Variants in TTN observed in about 807,000 individuals in gnomAD.
TTN encodes the protein connectin.
TTN carries 1,525 observed loss-of-function variants against 3,223.0 expected under a neutral mutation model. That is an observed-to-expected ratio of 0.47 (90% CI 0.45 to 0.49). The LOEUF is 0.49. TTN is among the 20% of genes least tolerant of loss of function. TTN has a pLI of 0.00. For synonymous variants in TTN, 14,094 were observed against 15,161.0 expected (o/e 0.93, Z 5.17); for missense variants, 40,786 against 43,424.0 (o/e 0.94, Z 5.40).
intron 9 of TTN, among the ~76,000 whole-genome samples, chr2:178,793,194 G>A (rs959015738): frequency 3.9e-5 from 6 of 152,146 alleles, no homozygotes; most frequent in African/African-American, 1.4e-4. Context: ...TGTTCACAGA[G>A]TTCTTTTTCA....
intron 223 of TTN, 32 bp from the exon 224 acceptor site, chr2:178,637,451 A>G (rs1328473305): frequency 7.3e-7 from 1 of 1,377,092 alleles, no homozygotes; most frequent in Non-Finnish European, 9.6e-7. Flanking sequence ...GCATTTAAAC[A>G]CTTTTCGGAC....
At position 178,714,128 on chromosome 2, in the gene TTN, C is replaced by T; in HGVS notation, c.26530G>A (p.Gly8844Arg). 6.2e-7 allele frequency: 1 copy of T among 1,613,620 alleles called. No individual in the cohort carries two copies. The highest frequency in any genetic ancestry group is 1.3e-5 in the African/African-American group (1 of 75,004). ...EKPESIKVTT[G>R]DTCTLECTVA... ...GTACACTCCAAGGTACAGGTGTCTC[C>T]CGTGGTAACTTTTATGGATTCTGGC... is the stretch of plus-strand genomic sequence containing the variant. The change falls in exon 92 of 363, where the codon GGA becomes AGA. Residue 8844 changes from glycine to arginine, a missense_variant. Physicochemically the swap from Gly to Arg is moderately radical, Grantham distance 125 (BLOSUM62 -2). Coordinates refer to ENST00000589042, the MANE Select transcript of TTN (RefSeq NM_001267550.2).
In TTN at chr2:178,752,586, C is replaced by T. The variant is rs190254672; in HGVS notation, c.11311+538G>A. Reference sequence around the variant, plus strand: ...GCAAAGAAAAGCAGGCAATAAGGATCACATAAGGCAGCTATCTGCAAGCCA... The same window carrying T: ...GCAAAGAAAAGCAGGCAATAAGGATTACATAAGGCAGCTATCTGCAAGCCA... On this transcript the variant is annotated intron_variant, in intron 47 of 362. Coordinates refer to ENST00000589042, the MANE Select transcript of TTN (RefSeq NM_001267550.2). Among the ~76,000 whole-genome samples, 130 of 152,128 alleles carry T rather than the reference C, an allele frequency of 8.5e-4. 1 individual carries two copies. Among genetic ancestry groups the T allele is most frequent in the African/African-American group, 3.0e-3 (124 of 41,540 alleles).
chr2:178,591,936 G>A, intron 302 of TTN, 42 bp downstream of exon 302: 3 of 1,606,870 alleles, frequency 1.9e-6, no homozygotes, highest in East Asian at 2.2e-5. Context: ...TATTCTTAAA[G>A]ACAGTCAAAC....
Position 178,723,448 on chromosome 2 carries a change from C to T in TTN, c.21652G>A (p.Ala7218Thr), listed in dbSNP as rs1286778967. The change falls in exon 74 of 363, where the codon GCA (alanine) becomes ACA (threonine). Residue 7218 changes from alanine (A) to threonine (T), a missense_variant. Coordinates refer to ENST00000589042, the MANE Select transcript of TTN (RefSeq NM_001267550.2). ...ACAAAGAGACGGGTAGTGCAAGATG[C>T]TTGGCCAGCGTTGTTAGAAACCACA... is the stretch of plus-strand genomic sequence containing the variant. ...TCVVSNNAGQ[A>T]SCTTRLFVKE... 3 of 1,613,062 alleles carry T rather than the reference C, an allele frequency of 1.9e-6. No individual in the cohort carries two copies. The highest frequency in any genetic ancestry group is 2.5e-6 in the Non-Finnish European group (3 of 1,179,450).
Position 178,602,341 on chromosome 2 carries a change from T to C in TTN, c.55061A>G (p.Glu18354Gly). Residue 18354 changes from glutamate (E) to glycine (G), a missense_variant, in exon 283 of 363, where the codon GAA becomes GGA. Coordinates refer to ENST00000589042, the MANE Select transcript of TTN (RefSeq NM_001267550.2). ...KYRFRVKAVN[E>G]AGESEPSDTT... is the part of the protein sequence containing the mutation. ...ATCACTTGGTTCAGATTCACCAGCTTCATTGACAGCTTTCACTCTGAATCT... is the reference window on the plus strand; with the variant it reads ...ATCACTTGGTTCAGATTCACCAGCTCCATTGACAGCTTTCACTCTGAATCT... 6.2e-7 allele frequency: 1 copy of C among 1,612,932 alleles called. No individual in the cohort carries two copies. Among genetic ancestry groups the C allele is most frequent in the African/African-American group, 1.3e-5 (1 of 74,972 alleles).
Position 178,709,764 on chromosome 2 carries a change from C to A in TTN, c.28555G>T (p.Gly9519Cys). 1 of 1,613,802 alleles carries A rather than the reference C, an allele frequency of 6.2e-7. No homozygotes were observed. The highest frequency in any genetic ancestry group is 8.5e-7 in the Non-Finnish European group (1 of 1,179,808). Residue 9519 changes from glycine (G) to cysteine (C), a missense_variant, in exon 99 of 363, where the codon GGT (glycine) becomes TGT (cysteine). Physicochemically the swap from Gly to Cys is radical, Grantham distance 159 (BLOSUM62 -3). Transcript: ENST00000589042. ...CAGGCAACAGTTATAGGTTGGGAAC[C>A]AGCCACACGTCCCTCAAGTTTGAAA... The part of the protein sequence containing the change: ...NSFKLEGRVA[G>C]SQPITVAWYK...
At position 178,650,831 on chromosome 2, in the gene TTN, G is replaced by C. The variant is rs1164972392; in HGVS notation, c.39629C>G (p.Pro13210Arg). ...CAAGACAGGTTTCTTTGGCACTTCT[G>C]GCACTTTAAAGATATTAATTCATTT... The part of the protein sequence containing the change: ...KKPEVPPAKV[P>R]EVPKKPVLEE... Residue 13210 changes from proline to arginine, a missense_variant, in exon 209 of 363, where the codon CCA becomes CGA. By Grantham distance (103) the Pro-to-Arg change is moderately radical. Coordinates refer to ENST00000589042, the MANE Select transcript of TTN (RefSeq NM_001267550.2). The C allele has an allele frequency of 1.9e-6, 3 of 1,602,544 alleles. No homozygotes were observed. The African/African-American group carries it at 4.0e-5, about 21-fold the overall frequency.
At chr2:178,716,133 T>C (rs1415591509) in intron 88 of TTN, among the ~76,000 whole-genome samples, 1 of 152,172 alleles carries the variant, frequency 6.6e-6, no homozygotes, top group East Asian at 1.9e-4. Context: ...GAGAATTTGA[T>C]TACTGTCTTG....
At position 178,729,403 on chromosome 2, in the gene TTN, C is replaced by T. The variant is rs1239509702; in HGVS notation, c.18753G>A (p.Val6251=). ...SSKKYTLTDR[V]SVFNLHITKC... ...TGGTTATATGGAGGTTAAACACAGA[C>T]ACTCTGTCGGTCAATGTGTATTTTT... is the stretch of plus-strand genomic sequence containing the variant. The change falls in exon 64 of 363, where the codon GTG becomes GTA. Residue 6251 remains valine (V), a synonymous_variant. Coordinates refer to ENST00000589042, the MANE Select transcript of TTN (RefSeq NM_001267550.2). 1.2e-6 allele frequency: 2 copies of T among 1,613,532 alleles called. No individual in the cohort carries two copies. Among genetic ancestry groups the T allele is most frequent in the Non-Finnish European group, 1.7e-6 (2 of 1,179,688 alleles).
In TTN at chr2:178,593,337, C is replaced by G; in HGVS notation, c.58871G>C (p.Arg19624Pro). The G allele has an allele frequency of 6.2e-7, 1 of 1,613,292 alleles. No homozygotes were observed. The change falls in exon 299 of 363, where the codon CGA becomes CCA. Residue 19624 changes from arginine to proline, a missense_variant. By Grantham distance (103) the Arg-to-Pro change is moderately radical (BLOSUM62 -2). Transcript: ENST00000589042. Reference protein sequence around the residue: ...ILEKRETMSKRWARVTKDPIH... With the variant: ...ILEKRETMSKPWARVTKDPIH... ...AGGATCTTTGGTAACTCTAGCCCAT[C>G]GTTTAGACATAGTTTCTCTCTTTTC...
intron 47 of TTN, chr2:178,746,475 C>T: frequency 6.2e-7 from 1 of 1,612,610 alleles, no homozygotes; most frequent in Non-Finnish European, 8.5e-7. Flanking sequence ...AGGACAATTT[C>T]TTGAGGAGAA....
chr2:178,714,386 A>T lies in TTN; in HGVS notation c.26388T>A (p.Phe8796Leu), dbSNP rs1193918191. 6.2e-7 allele frequency: 1 copy of T among 1,613,802 alleles called. No individual in the cohort carries two copies. Among genetic ancestry groups the T allele is most frequent in the Non-Finnish European group, 8.5e-7 (1 of 1,179,750 alleles). The change falls in exon 91 of 363, where the codon TTT (phenylalanine) becomes TTA (leucine). Residue 8796 changes from phenylalanine to leucine, a missense_variant. Transcript: ENST00000589042. The stretch of plus-strand genomic sequence containing the variant: ...CAGCATTGGCTGGTTCCACTCTTGA[A>T]AACTGTAAGGTTGCAATGTTTTCTG... ...SYSENIATLQFSRVEPANAGK... is the reference protein window; with the variant it reads ...SYSENIATLQLSRVEPANAGK...
At position 178,693,677 on chromosome 2, in the gene TTN, T is replaced by C; in HGVS notation, c.31526A>G (p.Gln10509Arg). 1.9e-6 allele frequency: 3 copies of C among 1,598,966 alleles called. No homozygotes were observed. Among genetic ancestry groups the C allele is most frequent in the Non-Finnish European group, 2.6e-6 (3 of 1,169,654 alleles). ...TTTCTCTTCAGTAACAATTTCCTTT[T>C]GTACCTCGGGGACTTAAAAAAATGT... ...EEVSVTVPEV[Q>R]KEIVTEEKIH... The change falls in exon 119 of 363, where the codon CAA (glutamine) becomes CGA (arginine). Residue 10509 changes from glutamine to arginine, a missense_variant. Transcript: ENST00000589042.
chr2:178,747,560 G>A (rs532873177), intron 47 of TTN: 2 of 1,613,276 alleles, frequency 1.2e-6, no homozygotes, highest in Middle Eastern at 1.7e-4. Context: ...TTCATACACA[G>A]TGTTGAAAGT....
chr2:178,613,887 C>T lies in TTN; in HGVS notation c.49396G>A (p.Ala16466Thr), dbSNP rs755998484. The T allele has an allele frequency of 2.5e-6, 4 of 1,610,584 alleles. No individual in the cohort carries two copies. The highest frequency in any genetic ancestry group is 1.7e-5 in the Admixed American group (1 of 59,638). Residue 16466 changes from alanine (A) to threonine (T), a missense_variant, in exon 263 of 363, where the codon GCA becomes ACA. Transcript: ENST00000589042. ...GGCTCACACCATGTGAGAGTCACTG[C>T]GTCTTTAGTGATATCAGAAGGTTCT... ...RLEPSDITKD[A>T]VTLTWCEPDD... is the part of the protein sequence containing the mutation.
intron 78 of TTN, 54 bp from the exon 79 acceptor site, chr2:178,721,256 G>C (rs910597343): frequency 7.4e-7 from 1 of 1,354,908 alleles, no homozygotes; most frequent in African/African-American, 1.5e-5. Context: ...CATGTTAAAA[G>C]AGCTTGTTTT....
Position 178,531,243 on chromosome 2 carries a change from C to T in TTN, c.105372G>A (p.Lys35124=), listed in dbSNP as rs369608299. ...LEEKSTTRKI[K]TTLAARILTK... The stretch of plus-strand genomic sequence containing the variant: ...TTAGAATTCTTGCTGCCAAAGTCGT[C>T]TTGATCTTTCTGGTTGTGGATTTTT... The change falls in exon 358 of 363, where the codon AAG becomes AAA. Residue 35124 remains lysine, a synonymous_variant. Coordinates refer to ENST00000589042, the MANE Select transcript of TTN (RefSeq NM_001267550.2). 5 of 1,613,822 alleles carry T rather than the reference C, an allele frequency of 3.1e-6. No homozygotes were observed. The African/African-American group carries it at 6.7e-5, about 22-fold the overall frequency.
chr2:178,790,458 C>A (rs550479305), intron 11 of TTN, among the ~76,000 whole-genome samples: 2 of 152,062 alleles, frequency 1.3e-5, no homozygotes, highest in Non-Finnish European at 2.9e-5. Context: ...GACTTGTTTA[C>A]GGACATCTGC....
Sources: gnomAD v4.1 joint callset for allele counts (sites outside exome capture counted in the v4.1 genomes callset) on GRCh38, gnomAD v4.1.1 for gene constraint, MANE v1.5 for transcripts, NCBI Gene and HGNC (gene_info 2026-07-23, HGNC 2026-07-21) for gene names.